The following ZMYND11 variants were observed in gnomAD, a reference collection of about 807,000 sequenced individuals.
ZMYND11 encodes zinc finger MYND-type containing 11.
ZMYND11 carries 9 observed loss-of-function variants against 84.9 expected under a neutral mutation model. The ratio of observed to expected loss-of-function variants is 0.11; its 90% CI spans 0.06 to 0.18. ZMYND11 has a LOEUF of 0.18. Ranked by LOEUF, ZMYND11 falls within the 10% of genes least tolerant of loss-of-function variation. The pLI is 1.00. For synonymous variants in ZMYND11, 250 were observed against 244.1 expected (o/e 1.02, Z -0.23); for missense variants, 409 against 761.0 (o/e 0.54, Z 5.44).
intron 10 of ZMYND11, chr10:244,402 T>C (rs527733988): frequency 6.6e-6 from 1 of 152,320 alleles, no homozygotes; most frequent in East Asian, 1.9e-4. Context: ...TCGGAGACAA[T>C]GAGCACGTTG....
At chr10:246,289 A>G (rs1231980321) in intron 10 of ZMYND11, among the ~76,000 whole-genome samples, 1 of 152,216 alleles carries the variant, frequency 6.6e-6, no homozygotes, top group Non-Finnish European at 1.5e-5. Context: ...ATATGAATAT[A>G]TGTATGTATC....
intron 1 of ZMYND11, chr10:155,022 A>G (rs1409974919): frequency 1.3e-5 from 2 of 152,148 alleles, no homozygotes; most frequent in Non-Finnish European, 2.9e-5. Flanking sequence ...GGCTTAGTAT[A>G]TGATATGCTC....
intron 1 of ZMYND11, among the ~76,000 whole-genome samples, chr10:138,234 C>T (rs1366140210): frequency 6.9e-6 from 1 of 145,512 alleles, no homozygotes; most frequent in Non-Finnish European, 1.5e-5. Flanking sequence ...CTCAGCCTCC[C>T]GGGTAGCTCG....
intron 1 of ZMYND11, chr10:148,804 C>G (rs554897697): frequency 6.6e-6 from 1 of 152,344 alleles, no homozygotes; most frequent in South Asian, 2.1e-4. Context: ...GCCTCATCCA[C>G]CATTGATTTT....
At chr10:222,130 AT>A (rs1264794217) in intron 4 of ZMYND11, among the ~76,000 whole-genome samples, 1 of 152,178 alleles carries the variant, frequency 6.6e-6, no homozygotes, top group Non-Finnish European at 1.5e-5. Context: ...AACCATGCAC[AT>A]TGTTGAGATT....
At chr10:193,640 C>G (rs1941006838) in intron 2 of ZMYND11, among the ~76,000 whole-genome samples, 1 of 152,178 alleles carries the variant, frequency 6.6e-6, no homozygotes, top group African/African-American at 2.4e-5. Context: ...AAGTCATTTT[C>G]TTTCCTTCCT....
intron 1 of ZMYND11, among the ~76,000 whole-genome samples, chr10:145,741 AT>A (rs1349063442): frequency 6.6e-6 from 1 of 151,044 alleles, no homozygotes; most frequent in African/African-American, 2.4e-5. Flanking sequence ...TTTTGATGGG[AT>A]TTTTTTTCTT....
intron 1 of ZMYND11, among the ~76,000 whole-genome samples, chr10:152,693 A>G (rs1840689441): frequency 6.6e-6 from 1 of 152,202 alleles, no homozygotes; most frequent in African/African-American, 2.4e-5. Context: ...AATTGAACTC[A>G]GCTCTGCACC....
At chr10:150,671 G>A (rs1490307917) in intron 1 of ZMYND11, among the ~76,000 whole-genome samples, 6 of 152,260 alleles carry the variant, frequency 3.9e-5, no homozygotes, top group South Asian at 2.1e-4. Flanking sequence ...GGGCATAGCC[G>A]AACAAAAGGC....
At chr10:199,253 C>T (rs1438964042) in intron 2 of ZMYND11, among the ~76,000 whole-genome samples, 1 of 150,224 alleles carries the variant, frequency 6.7e-6, no homozygotes, top group East Asian at 2.0e-4. Context: ...CCCCCTCGCT[C>T]GCTCTCTCTC....
At position 200,354 on chromosome 10, in the gene ZMYND11, A is replaced by G. The variant is rs559020681; in HGVS notation, c.117-9535A>G. Among the ~76,000 whole-genome samples, 207 of 143,654 alleles carry G rather than the reference A, an allele frequency of 1.4e-3. 1 individual carries two copies. The highest frequency in any genetic ancestry group is 4.5e-3 in the African/African-American group (170 of 37,702). The allele number at this position is 143,654 out of a possible 152,430, so 94.2% of individuals were successfully genotyped here. Reference sequence around the variant, plus strand: ...TATTATATATAACATATATACATATATGTGTATATATGTGTATATATGTAT... The same window carrying G: ...TATTATATATAACATATATACATATGTGTGTATATATGTGTATATATGTAT... On this transcript the variant is annotated intron_variant, in intron 2 of 14. Coordinates refer to ENST00000381604, the MANE Select transcript of ZMYND11 (RefSeq NM_001370100.5).
At chr10:246,303 T>C (rs1399738501) in intron 10 of ZMYND11, among the ~76,000 whole-genome samples, 2 of 152,226 alleles carry the variant, frequency 1.3e-5, no homozygotes, top group African/African-American at 4.8e-5. Flanking sequence ...ATGTATCTTA[T>C]GAAAATTTTT....
intron 3 of ZMYND11, among the ~76,000 whole-genome samples, chr10:212,656 G>T (rs1044806831): frequency 1.3e-5 from 2 of 150,970 alleles, no homozygotes; most frequent in Non-Finnish European, 2.9e-5. Context: ...TCATTTGATT[G>T]TTTGAAAGAT....
chr10:152,033 C>G (rs1840499579), intron 1 of ZMYND11, among the ~76,000 whole-genome samples: 1 of 152,144 alleles, frequency 6.6e-6, no homozygotes, highest in Non-Finnish European at 1.5e-5. Context: ...TTTGTCACCA[C>G]CAGGCCTGCC....
intron 1 of ZMYND11, among the ~76,000 whole-genome samples, chr10:173,088 A>G (rs1845744868): frequency 7.2e-5 from 11 of 152,182 alleles, no homozygotes; most frequent in Admixed American, 7.2e-4. Flanking sequence ...CCCTCACAAA[A>G]ATTAACTGAA....
At chr10:180,981 CAAA>C (rs879903039) in intron 2 of ZMYND11, among the ~76,000 whole-genome samples, 1 of 144,980 alleles carries the variant, frequency 6.9e-6, no homozygotes, top group Non-Finnish European at 1.5e-5. Flanking sequence ...TTCAGGATAC[CAAA>C]AAAAAAAATC....
chr10:167,671 A>G (rs192053899), intron 1 of ZMYND11, among the ~76,000 whole-genome samples: 8 of 152,242 alleles, frequency 5.3e-5, no homozygotes, highest in South Asian at 2.1e-4. Flanking sequence ...TGCCTGCCAC[A>G]TATGGAAAGC....
intron 1 of ZMYND11, among the ~76,000 whole-genome samples, chr10:179,686 C>T (rs1469501146): frequency 1.3e-5 from 2 of 152,066 alleles, no homozygotes; most frequent in African/African-American, 4.8e-5. Context: ...TGGAGTATTT[C>T]TGTGTTTTAG....
At chr10:152,987 G>T (rs1840780474) in intron 1 of ZMYND11, among the ~76,000 whole-genome samples, 1 of 152,214 alleles carries the variant, frequency 6.6e-6, no homozygotes, top group African/African-American at 2.4e-5. Context: ...AATGAAGGCA[G>T]AAGTAAATTC....
Sources: allele counts gnomAD v4.1 joint callset (sites outside exome capture counted in the v4.1 genomes callset), GRCh38; gene constraint gnomAD v4.1.1; transcripts MANE v1.5; gene names NCBI Gene and HGNC (gene_info 2026-07-23, HGNC 2026-07-21).